The following FGD3 variants were observed in gnomAD, a reference collection of about 807,000 sequenced individuals.
FGD3 encodes FYVE, RhoGEF and PH domain containing 3.
In FGD3, 45 loss-of-function variants were observed where a neutral mutation model predicts 71.8. The ratio of observed to expected loss-of-function variants is 0.63; its 90% CI spans 0.49 to 0.80. The LOEUF is 0.80. Among genes scored for constraint, FGD3 ranks in the 30% least tolerant of loss-of-function variants. The pLI is 0.00. For synonymous variants in FGD3, 378 were observed against 392.8 expected, an observed-to-expected ratio of 0.96 and a Z score of 0.44; for missense variants, 844 against 951.5, an observed-to-expected ratio of 0.89 and a Z score of 1.49.
intron 1 of FGD3, among the ~76,000 whole-genome samples, chr9:92,950,025 CT>C (rs756123433): frequency 7.4e-6 from 1 of 134,230 alleles, no homozygotes; most frequent in Non-Finnish European, 1.5e-5. Context: ...CCCCTCCCTT[CT>C]TTCCTTCCTC....
In FGD3 at chr9:93,035,863, A is replaced by G. The variant is rs569637767; in HGVS notation, c.*274A>G. Reference sequence around the variant, plus strand: ...CCGACTGCCAAAGTAACCATCATCCATATGGGCCGTGTGGTGATGCTGGCC... The same window carrying G: ...CCGACTGCCAAAGTAACCATCATCCGTATGGGCCGTGTGGTGATGCTGGCC... On this transcript the variant is annotated 3_prime_UTR_variant, in exon 18 of 18. Transcript: ENST00000375482. 45 of 452,100 alleles carry G rather than the reference A, an allele frequency of 1.0e-4. No homozygotes were observed. The highest frequency in any genetic ancestry group is 8.1e-4 in the African/African-American group (41 of 50,426). The allele number at this position is 452,100 out of a possible 1,614,324, so 28.0% of individuals were successfully genotyped here.
At chr9:92,951,548 C>T (rs921604714) in intron 1 of FGD3, among the ~76,000 whole-genome samples, 13 of 152,182 alleles carry the variant, frequency 8.5e-5, no homozygotes, top group Admixed American at 1.3e-4. Flanking sequence ...TGGTGGCATG[C>T]GCCTGTAGTC....
intron 1 of FGD3, among the ~76,000 whole-genome samples, chr9:92,959,796 T>A (rs1209539820): frequency 6.6e-6 from 1 of 151,674 alleles, no homozygotes; most frequent in Non-Finnish European, 1.5e-5. Context: ...GGTCGATGGC[T>A]GAAGCGAGTG....
chr9:92,955,392 C>A (rs989996967), intron 1 of FGD3, among the ~76,000 whole-genome samples: 7 of 152,026 alleles, frequency 4.6e-5, no homozygotes, highest in African/African-American at 1.7e-4. Context: ...CAAAATTAGC[C>A]AGGCATGGTG....
chr9:92,967,633 G>A (rs1198284883), intron 1 of FGD3, among the ~76,000 whole-genome samples: 3 of 152,094 alleles, frequency 2.0e-5, no homozygotes, highest in Non-Finnish European at 4.4e-5. Context: ...GGAGTGCAGT[G>A]GCGCGATCTC....
At position 92,976,575 on chromosome 9, in the gene FGD3, G is replaced by T; in HGVS notation, c.319G>T (p.Ala107Ser). Residue 107 changes from alanine (A) to serine (S), a missense_variant, in exon 3 of 18, where the codon GCG becomes TCG. Physicochemically the swap from Ala to Ser is moderately conservative, Grantham distance 99. Coordinates refer to ENST00000375482, the MANE Select transcript of FGD3 (RefSeq NM_001083536.2). ...TGGCCCAAGCCCCACTGTACTGGGG[G>T]CGCACGCAGAGATGGCCCTGGACAG... ...EAGPSPTVLG[A>S]HAEMALDSQV... 3.1e-6 allele frequency: 5 copies of T among 1,612,654 alleles called. No individual in the cohort carries two copies. The highest frequency in any genetic ancestry group is 4.2e-6 in the Non-Finnish European group (5 of 1,179,874).
intron 8 of FGD3, among the ~76,000 whole-genome samples, chr9:93,012,395 C>A (rs1023953275): frequency 3.3e-5 from 5 of 152,120 alleles, no homozygotes; most frequent in Non-Finnish European, 7.3e-5. Flanking sequence ...TCCTGCCCCA[C>A]AAAGTGGTCC....
chr9:92,978,461 T>C (rs916062926), intron 3 of FGD3, among the ~76,000 whole-genome samples: 2 of 120,666 alleles, frequency 1.7e-5, no homozygotes, highest in Admixed American at 1.0e-4. Context: ...CAGCTTTGAT[T>C]GGACAAGAGA....
At position 93,035,623 on chromosome 9, in the gene FGD3, T is replaced by C. The variant is rs200400271; in HGVS notation, c.*34T>C. 2.6e-4 allele frequency: 408 copies of C among 1,557,000 alleles called. No individual in the cohort carries two copies. The African/African-American group carries it at 4.3e-3, about 16-fold the overall frequency. The stretch of plus-strand genomic sequence containing the variant: ...TCCCACTGCCCTGCACACCACCACA[T>C]TGGACCTGTGCTGTCCTGGGAGGTG... On this transcript the variant is annotated 3_prime_UTR_variant, in exon 18 of 18. Coordinates refer to ENST00000375482, the MANE Select transcript of FGD3 (RefSeq NM_001083536.2).
chr9:93,010,265 A>G lies in FGD3; in HGVS notation c.857A>G (p.Asn286Ser), dbSNP rs766598194. 2.1e-4 allele frequency: 340 copies of G among 1,610,966 alleles called. No individual in the cohort carries two copies. The highest frequency in any genetic ancestry group is 2.8e-4 in the Non-Finnish European group (327 of 1,177,674). Reference sequence around the variant, plus strand: ...CCACAGAAGCAGGAGGTATGCGGGAACCTGACGCTGCAGCACCACATGCTG... The same window carrying G: ...CCACAGAAGCAGGAGGTATGCGGGAGCCTGACGCTGCAGCACCACATGCTG... ...HSIQKQEVCG[N>S]LTLQHHMLEP... The change falls in exon 7 of 18, where the codon AAC becomes AGC. Residue 286 changes from asparagine (N) to serine (S), a missense_variant. Asn to Ser is a conservative substitution (Grantham distance 46). Transcript: ENST00000375482.
intron 3 of FGD3, among the ~76,000 whole-genome samples, chr9:92,977,822 G>A (rs1859824776): frequency 6.6e-6 from 1 of 152,084 alleles, no homozygotes; most frequent in Non-Finnish European, 1.5e-5. Context: ...GGGAATGGGA[G>A]GTCAGACACA....
At chr9:92,966,630 C>T (rs796252766) in intron 1 of FGD3, among the ~76,000 whole-genome samples, 7 of 152,338 alleles carry the variant, frequency 4.6e-5, no homozygotes, top group African/African-American at 1.7e-4. Flanking sequence ...TGTATGAGGC[C>T]TCTGCCCAGG....
intron 3 of FGD3, among the ~76,000 whole-genome samples, chr9:92,998,011 G>T (rs928540673): frequency 3.9e-5 from 6 of 152,080 alleles, no homozygotes; most frequent in Non-Finnish European, 5.9e-5. Context: ...TTTGAATGTT[G>T]GCCTGCCTCA....
intron 1 of FGD3, among the ~76,000 whole-genome samples, chr9:92,956,149 G>A (rs530591327): frequency 3.3e-5 from 5 of 152,088 alleles, no homozygotes; most frequent in East Asian, 3.9e-4. Context: ...GTTTGTTTTC[G>A]CTTCTTGGCA....
chr9:93,015,220 C>T (rs1021120090), intron 9 of FGD3, among the ~76,000 whole-genome samples: 1 of 152,104 alleles, frequency 6.6e-6, no homozygotes, highest in African/African-American at 2.4e-5. Flanking sequence ...CTTTGGGAGG[C>T]TGAGGTGGGC....
chr9:92,956,910 C>T (rs1283560036), intron 1 of FGD3, among the ~76,000 whole-genome samples: 6 of 141,348 alleles, frequency 4.2e-5, no homozygotes, highest in African/African-American at 1.6e-4. Context: ...GCAATGATAG[C>T]TCACTGCAAC....
intron 10 of FGD3, among the ~76,000 whole-genome samples, 170 bp from the exon 11 acceptor site, chr9:93,017,966 G>A (rs1287083435): frequency 6.6e-6 from 1 of 152,194 alleles, no homozygotes; most frequent in African/African-American, 2.4e-5. Context: ...ACCAGCTCAT[G>A]TAGCAGCCAC....
At chr9:92,965,699 C>G (rs970257206) in intron 1 of FGD3, among the ~76,000 whole-genome samples, 7 of 152,220 alleles carry the variant, frequency 4.6e-5, no homozygotes, top group African/African-American at 1.7e-4. Context: ...CACCACTGTC[C>G]GAGGATGGGC....
At position 93,004,027 on chromosome 9, in the gene FGD3, G is replaced by A. The variant is rs1424997534; in HGVS notation, c.570G>A (p.Ala190=). The change falls in exon 5 of 18, where the codon GCG becomes GCA. Residue 190 remains alanine, a synonymous_variant. Coordinates refer to ENST00000375482, the MANE Select transcript of FGD3 (RefSeq NM_001083536.2). Reference sequence around the variant, plus strand: ...TTTTCTGCACCAGGCTGACGGATGCGGGGATCCCTCCAGAAGTCATCATGG... The same window carrying A: ...TTTTCTGCACCAGGCTGACGGATGCAGGGATCCCTCCAGAAGTCATCATGG... The part of the protein sequence containing the change: ...DQVFCTRLTD[A]GIPPEVIMGI... The A allele has an allele frequency of 6.2e-7, 1 of 1,614,162 alleles. No homozygotes were observed. The highest frequency in any genetic ancestry group is 1.7e-5 in the Admixed American group (1 of 60,030).
Sources: allele counts gnomAD v4.1 joint callset (sites outside exome capture counted in the v4.1 genomes callset), GRCh38; gene constraint gnomAD v4.1.1; transcripts MANE v1.5; gene names NCBI Gene and HGNC (gene_info 2026-07-23, HGNC 2026-07-21).